The following WWOX variants were observed in gnomAD, a reference collection of about 807,000 sequenced individuals.
The protein encoded by WWOX is WW domain containing oxidoreductase.
A neutral mutation model predicts 46.2 loss-of-function variants in WWOX; 69 were observed. The observed-to-expected ratio is 1.49, with a 90% CI of 1.23 to 1.82. The LOEUF is 1.82. Ranked by LOEUF, WWOX falls within the 40% of genes most tolerant of loss-of-function variation. The pLI is 0.00. For missense variants in WWOX, 919 were observed against 542.6 expected (o/e 1.69, Z -6.89); for synonymous variants, 359 against 202.6 (o/e 1.77, Z -6.56).
chr16:79,161,038 T>C (rs1318805827), intron 8 of WWOX, among the ~76,000 whole-genome samples: 1 of 152,232 alleles, frequency 6.6e-6, no homozygotes, highest in Non-Finnish European at 1.5e-5. Context: ...ACTCTGACTA[T>C]GGCAACACTG....
At chr16:78,872,044 T>C (rs922889058) in intron 8 of WWOX, among the ~76,000 whole-genome samples, 1 of 152,202 alleles carries the variant, frequency 6.6e-6, no homozygotes, top group Non-Finnish European at 1.5e-5. Flanking sequence ...GGGCACAAAA[T>C]TTCTGTCAAC....
chr16:78,855,806 C>A (rs1204252231), intron 8 of WWOX, among the ~76,000 whole-genome samples: 1 of 152,218 alleles, frequency 6.6e-6, no homozygotes, highest in African/African-American at 2.4e-5. Flanking sequence ...TCATTCATCA[C>A]TTATTTCCTG....
At chr16:79,018,913 G>C (rs2047471906) in intron 8 of WWOX, among the ~76,000 whole-genome samples, 1 of 152,034 alleles carries the variant, frequency 6.6e-6, no homozygotes, top group Admixed American at 6.5e-5. Context: ...CACTTTGGGA[G>C]GATAAGGTGG....
intron 8 of WWOX, among the ~76,000 whole-genome samples, chr16:78,773,673 C>T (rs768449477): frequency 1.4e-4 from 22 of 152,166 alleles, no homozygotes; most frequent in South Asian, 4.1e-4. Flanking sequence ...TTATTAAAAA[C>T]GAAATCACAG....
At chr16:79,032,002 G>C (rs1194970818) in intron 8 of WWOX, among the ~76,000 whole-genome samples, 1 of 143,422 alleles carries the variant, frequency 7.0e-6, no homozygotes, top group Non-Finnish European at 1.5e-5. Flanking sequence ...ATTTTGGGCT[G>C]TTATTAGGTA....
chr16:78,397,915 G>A (rs2082325223), intron 6 of WWOX, among the ~76,000 whole-genome samples: 1 of 152,224 alleles, frequency 6.6e-6, no homozygotes, highest in Non-Finnish European at 1.5e-5. Flanking sequence ...CGTCCGCTCA[G>A]TTAAGGTACT....
chr16:79,068,879 G>C (rs2048494770), intron 8 of WWOX, among the ~76,000 whole-genome samples: 1 of 151,254 alleles, frequency 6.6e-6, no homozygotes, highest in African/African-American at 2.4e-5. Context: ...AGCGAGAGAG[G>C]AGGTAGGGAA....
At chr16:79,090,470 C>T (rs1485509436) in intron 8 of WWOX, among the ~76,000 whole-genome samples, 1 of 152,148 alleles carries the variant, frequency 6.6e-6, no homozygotes, top group Non-Finnish European at 1.5e-5. Context: ...GAAATCCCTG[C>T]CCTCAGGGAG....
chr16:78,258,774 CT>C (rs1382145650), intron 5 of WWOX, among the ~76,000 whole-genome samples: 1 of 138,232 alleles, frequency 7.2e-6, no homozygotes, highest in Non-Finnish European at 1.5e-5. Context: ...CTTTTCTTTA[CT>C]TTAAGTACTC....
intron 8 of WWOX, among the ~76,000 whole-genome samples, chr16:78,478,647 G>A (rs1057025622): frequency 1.3e-5 from 2 of 152,252 alleles, no homozygotes; most frequent in East Asian, 1.9e-4. Context: ...CAAGGGTGCC[G>A]TTGAGTTACT....
chr16:78,800,126 A>G (rs966076674), intron 8 of WWOX, among the ~76,000 whole-genome samples: 3 of 152,178 alleles, frequency 2.0e-5, no homozygotes, highest in Non-Finnish European at 2.9e-5. Context: ...TTATCTTTGC[A>G]CTAAAAACAG....
At chr16:78,857,221 T>C (rs2052587570) in intron 8 of WWOX, among the ~76,000 whole-genome samples, 1 of 152,106 alleles carries the variant, frequency 6.6e-6, no homozygotes, top group African/African-American at 2.4e-5. Flanking sequence ...GCAAAGATAA[T>C]GAACAAGAAA....
chr16:78,364,609 CTG>C (rs1567526985), intron 5 of WWOX, among the ~76,000 whole-genome samples: 2 of 151,600 alleles, frequency 1.3e-5, no homozygotes, highest in African/African-American at 4.8e-5. Context: ...TAAAAATAAA[CTG>C]TTTGTCGTGA....
At chr16:78,936,833 C>T (rs534057998) in intron 8 of WWOX, among the ~76,000 whole-genome samples, 3 of 152,150 alleles carry the variant, frequency 2.0e-5, no homozygotes, top group Admixed American at 6.5e-5. Flanking sequence ...CTGTCAGGCT[C>T]ACATAAAATT....
At chr16:78,646,864 C>G (rs759525002) in intron 8 of WWOX, among the ~76,000 whole-genome samples, 4 of 152,138 alleles carry the variant, frequency 2.6e-5, no homozygotes, top group Non-Finnish European at 5.9e-5. Context: ...TGCTGTGTCA[C>G]GCTGTGTTAG....
At chr16:78,988,511 G>A (rs1169199118) in intron 8 of WWOX, among the ~76,000 whole-genome samples, 1 of 152,066 alleles carries the variant, frequency 6.6e-6, no homozygotes, top group Non-Finnish European at 1.5e-5. Context: ...TTTGGTTGAG[G>A]AATTCAGCCT....
At chr16:79,042,083 C>A (rs908815095) in intron 8 of WWOX, among the ~76,000 whole-genome samples, 4 of 152,104 alleles carry the variant, frequency 2.6e-5, no homozygotes, top group African/African-American at 9.7e-5. Flanking sequence ...TACCATGTTC[C>A]AGGTGCCTGC....
At chr16:78,838,911 G>A (rs533279898) in intron 8 of WWOX, among the ~76,000 whole-genome samples, 1 of 152,200 alleles carries the variant, frequency 6.6e-6, no homozygotes, top group Non-Finnish European at 1.5e-5. Flanking sequence ...GAGAGGAGTG[G>A]GGGGTGAGTG....
Position 78,164,302 on chromosome 16 carries a change from C to T in WWOX, c.516+13C>T. ...TTTAGAAGAATGGGTAAGTGCTTGA[C>T]TGTTGTTGTTTTTTTTAATTGTCAA... On this transcript the variant is annotated intron_variant, in intron 5 of 8. Coordinates refer to ENST00000566780, the MANE Select transcript of WWOX (RefSeq NM_016373.4). The T allele has an allele frequency of 6.2e-7, 1 of 1,611,472 alleles. No homozygotes were observed.
Sources: allele counts gnomAD v4.1 joint callset (sites outside exome capture counted in the v4.1 genomes callset), GRCh38; gene constraint gnomAD v4.1.1; transcripts MANE v1.5; gene names NCBI Gene and HGNC (gene_info 2026-07-23, HGNC 2026-07-21).